The following TNFRSF19 variants were observed in gnomAD, a reference collection of about 807,000 sequenced individuals.
TNFRSF19 encodes the protein TNF receptor superfamily member 19, also known as tumor necrosis factor receptor superfamily member 19.
In TNFRSF19, 27 loss-of-function variants were observed where a neutral mutation model predicts 46.4. That is an observed-to-expected ratio of 0.58 (90% CI 0.43 to 0.80). The LOEUF is 0.80. Among genes scored for constraint, TNFRSF19 ranks in the 30% least tolerant of loss-of-function variants. TNFRSF19 has a pLI of 0.00. For synonymous variants in TNFRSF19, 204 were observed against 205.0 expected, an observed-to-expected ratio of 1.00 and a Z score of 0.04; for missense variants, 511 against 530.8, an observed-to-expected ratio of 0.96 and a Z score of 0.37.
chr13:23,642,288 T>C (rs1259413131), intron 5 of TNFRSF19, among the ~76,000 whole-genome samples: 1 of 152,130 alleles, frequency 6.6e-6, no homozygotes, highest in African/African-American at 2.4e-5. Context: ...GTATAGGCGG[T>C]TTCAGTCAAG....
At chr13:23,572,989 TC>T (rs1877725762) in intron 1 of TNFRSF19, among the ~76,000 whole-genome samples, 1 of 152,204 alleles carries the variant, frequency 6.6e-6, no homozygotes, top group Non-Finnish European at 1.5e-5. Flanking sequence ...CAAGAGAGTT[TC>T]CTCATGTGTG....
intron 1 of TNFRSF19, among the ~76,000 whole-genome samples, chr13:23,584,758 T>A (rs916034520): frequency 6.6e-6 from 1 of 152,164 alleles, no homozygotes; most frequent in South Asian, 2.1e-4. Flanking sequence ...TACCTTGTAA[T>A]TTGAAAAAGA....
At chr13:23,623,961 C>T (rs1881835150) in intron 4 of TNFRSF19, among the ~76,000 whole-genome samples, 1 of 152,022 alleles carries the variant, frequency 6.6e-6, no homozygotes, top group African/African-American at 2.4e-5. Flanking sequence ...TTAATATAGT[C>T]CCATTTGTCA....
chr13:23,658,890 C>T (rs1290179105), intron 5 of TNFRSF19, among the ~76,000 whole-genome samples, 160 bp from the exon 6 acceptor site: 1 of 152,222 alleles, frequency 6.6e-6, no homozygotes, highest in Non-Finnish European at 1.5e-5. Flanking sequence ...CCATTAAAGA[C>T]ATCTTCTGGG....
rs113840291 is a variant in TNFRSF19, at chr13:23,649,143, T to C, written c.446-9907T>C. ...CATTTTTTGGGATGAGTTTGAGAAG[T>C]GTTGGAGTTAATTCTTCTTTAAGTA... On this transcript the variant is annotated intron_variant, in intron 5 of 9. Transcript: ENST00000248484. 1.5e-3 allele frequency among the ~76,000 whole-genome samples: 230 copies of C among 152,274 alleles called. 1 individual carries two copies. Among genetic ancestry groups the C allele is most frequent in the African/African-American group, 5.1e-3 (213 of 41,562 alleles).
At chr13:23,612,161 C>T (rs964581755) in intron 3 of TNFRSF19, among the ~76,000 whole-genome samples, 3 of 152,136 alleles carry the variant, frequency 2.0e-5, no homozygotes, top group African/African-American at 7.2e-5. Context: ...GGTGGTGACA[C>T]AAGTTTGTGA....
chr13:23,637,650 C>T (rs1882770659), intron 5 of TNFRSF19, among the ~76,000 whole-genome samples: 1 of 151,462 alleles, frequency 6.6e-6, no homozygotes, highest in Non-Finnish European at 1.5e-5. Flanking sequence ...AAACTGTGCA[C>T]AGATATACAT....
intron 4 of TNFRSF19, among the ~76,000 whole-genome samples, chr13:23,618,311 CAAAT>C (rs1176965649): frequency 2.0e-5 from 3 of 151,972 alleles, no homozygotes; most frequent in African/African-American, 7.3e-5. Context: ...AATAAAAAGA[CAAAT>C]AATTCAATTA....
intron 9 of TNFRSF19, among the ~76,000 whole-genome samples, chr13:23,672,311 A>G (rs1417721664): frequency 6.6e-6 from 1 of 152,192 alleles, no homozygotes; most frequent in Non-Finnish European, 1.5e-5. Flanking sequence ...TTTTTTGCTG[A>G]GATATTTGAG....
chr13:23,653,543 C>T (rs1196073341), intron 5 of TNFRSF19, among the ~76,000 whole-genome samples: 1 of 152,132 alleles, frequency 6.6e-6, no homozygotes, highest in Non-Finnish European at 1.5e-5. Flanking sequence ...GGTGACATTG[C>T]GGAAGGACTC....
At chr13:23,583,032 G>A (rs571541711) in intron 1 of TNFRSF19, among the ~76,000 whole-genome samples, 157 of 152,264 alleles carry the variant, frequency 1.0e-3, no homozygotes, top group Non-Finnish European at 1.9e-3. Context: ...ACATTCATGT[G>A]CAACTTTTTG....
chr13:23,603,123 G>A (rs1880277920), intron 3 of TNFRSF19, among the ~76,000 whole-genome samples: 1 of 151,864 alleles, frequency 6.6e-6, no homozygotes, highest in South Asian at 2.1e-4. Flanking sequence ...AGAAAATAAG[G>A]GAGAGGACAC....
chr13:23,595,828 A>G (rs1451878170), intron 3 of TNFRSF19, among the ~76,000 whole-genome samples: 1 of 152,230 alleles, frequency 6.6e-6, no homozygotes, highest in African/African-American at 2.4e-5. Context: ...AAAGGTTGAA[A>G]TAAAGGAAAA....
intron 1 of TNFRSF19, among the ~76,000 whole-genome samples, chr13:23,582,571 G>A (rs1390651899): frequency 2.0e-5 from 3 of 151,982 alleles, no homozygotes; most frequent in Admixed American, 6.5e-5. Flanking sequence ...AGATTGATTC[G>A]CATATAGTAA....
chr13:23,634,936 AAAG>A (rs1593274214), intron 5 of TNFRSF19, among the ~76,000 whole-genome samples: 4 of 152,154 alleles, frequency 2.6e-5, no homozygotes, highest in South Asian at 2.1e-4. Context: ...AGAAGGGAAA[AAAG>A]AAGTTCCAGA....
In TNFRSF19 at chr13:23,673,611, T is replaced by G. The variant is rs986419039; in HGVS notation, c.*231T>G. 23 of 1,191,136 alleles carry G rather than the reference T, an allele frequency of 1.9e-5. No homozygotes were observed. Among genetic ancestry groups the G allele is most frequent in the East Asian group, 3.2e-5 (1 of 31,136 alleles). 73.8% of individuals were successfully genotyped at this position (1,191,136 alleles called of 1,614,324 possible). A position where few individuals can be genotyped will look rare whatever the true frequency, so the allele number is the denominator to read the frequency against. On this transcript the variant is annotated 3_prime_UTR_variant, in exon 10 of 10. Transcript: ENST00000248484. ...AAGACTCCAGGCCGACTCATGATACTCTGCATCTTTCCTACATGAGAAGCT... is the reference window on the plus strand; with the variant it reads ...AAGACTCCAGGCCGACTCATGATACGCTGCATCTTTCCTACATGAGAAGCT...
chr13:23,673,640 C>T lies in TNFRSF19; in HGVS notation c.*260C>T. ...CATCTTTCCTACATGAGAAGCTTCT[C>T]TGCCACAAAAGTGACTTCAAAGACG... On this transcript the variant is annotated 3_prime_UTR_variant, in exon 10 of 10. Coordinates refer to ENST00000248484, the MANE Select transcript of TNFRSF19 (RefSeq NM_148957.4). 1 of 1,090,280 alleles carries T rather than the reference C, an allele frequency of 9.2e-7. No homozygotes were observed. The highest frequency in any genetic ancestry group is 1.2e-6 in the Non-Finnish European group (1 of 863,656). The allele number at this position is 1,090,280 out of a possible 1,614,324, so 67.5% of individuals were successfully genotyped here. A position where few individuals can be genotyped will look rare whatever the true frequency, so the allele number is the denominator to read the frequency against.
intron 2 of TNFRSF19, 140 bp from the exon 3 acceptor site, chr13:23,593,205 T>G (rs919372783): frequency 1.9e-6 from 1 of 515,774 alleles, no homozygotes; most frequent in Non-Finnish European, 3.3e-6. Flanking sequence ...GTTTTCTTCC[T>G]AAAGTGAACA....
In TNFRSF19 at chr13:23,587,407, G is replaced by A. The variant is rs145281557; in HGVS notation, c.-34-2743G>A. On this transcript the variant is annotated intron_variant, in intron 1 of 9. Coordinates refer to ENST00000248484, the MANE Select transcript of TNFRSF19 (RefSeq NM_148957.4). ...CCTAGGCCAGGCTATGTCAAAAGGT[G>A]TTTTGGAGATCACTACCTTGGCCAA... is the stretch of plus-strand genomic sequence containing the variant. Among the ~76,000 whole-genome samples, 650 of 152,256 alleles carry A rather than the reference G, an allele frequency of 4.3e-3. 4 individuals are homozygous for A. Among genetic ancestry groups the A allele is most frequent in the African/African-American group, 0.015 (616 of 41,542 alleles).
Sources: gnomAD v4.1 joint callset for allele counts (sites outside exome capture counted in the v4.1 genomes callset) on GRCh38, gnomAD v4.1.1 for gene constraint, MANE v1.5 for transcripts, NCBI Gene and HGNC (gene_info 2026-07-23, HGNC 2026-07-21) for gene names.